ANKRD10: variants seen among roughly 807,000 people sequenced by gnomAD.
ANKRD10 encodes the protein ankyrin repeat domain 10, also known as ankyrin repeat domain-containing protein 10.
In ANKRD10, 14 loss-of-function variants were observed where a neutral mutation model predicts 27.0. The observed-to-expected ratio is 0.52, with a 90% CI of 0.34 to 0.81. The LOEUF (loss-of-function observed/expected upper bound fraction) is 0.81. ANKRD10 is among the 40% of genes least tolerant of loss of function. The pLI is 0.01. For synonymous variants in ANKRD10, 250 were observed against 224.5 expected (o/e 1.11, Z -1.01); for missense variants, 493 against 544.0 (o/e 0.91, Z 0.93).
intron 4 of ANKRD10, among the ~76,000 whole-genome samples, chr13:110,887,030 G>C (rs2064949056): frequency 6.6e-6 from 1 of 152,114 alleles, no homozygotes; most frequent in Non-Finnish European, 1.5e-5. Context: ...TCCCTGCTCA[G>C]AGATACAGCC....
chr13:110,893,919 A>T (rs762838980), intron 3 of ANKRD10, among the ~76,000 whole-genome samples: 1 of 152,206 alleles, frequency 6.6e-6, no homozygotes, highest in Non-Finnish European at 1.5e-5. Context: ...TGGTTCCTTT[A>T]AAAAGGCTTT....
At chr13:110,894,464 C>G (rs2065176074) in intron 3 of ANKRD10, 1 of 229,868 alleles carries the variant, frequency 4.4e-6, no homozygotes, top group African/African-American at 2.7e-5. Context: ...GAATTAGGGA[C>G]AAATAATATT....
intron 3 of ANKRD10, among the ~76,000 whole-genome samples, chr13:110,900,897 G>A (rs2065363973): frequency 6.6e-6 from 1 of 152,184 alleles, no homozygotes; most frequent in African/African-American, 2.4e-5. Context: ...CCTTGACCAT[G>A]AGCTACTGCT....
intron 4 of ANKRD10, among the ~76,000 whole-genome samples, chr13:110,888,007 T>C (rs1437573894): frequency 6.6e-6 from 1 of 152,232 alleles, no homozygotes; most frequent in African/African-American, 2.4e-5. Flanking sequence ...TACTCAACTT[T>C]TTAAGGTCCT....
chr13:110,899,522 G>A (rs538185645), intron 3 of ANKRD10, among the ~76,000 whole-genome samples: 7 of 152,182 alleles, frequency 4.6e-5, no homozygotes, highest in Middle Eastern at 3.4e-3. Flanking sequence ...CTCAGACAAC[G>A]GTCAACTTGA....
rs2064766252 is a variant in ANKRD10 at position 110,879,298 on chromosome 13, C to T, written c.*339G>A. 2 of 242,274 alleles carry T rather than the reference C, an allele frequency of 8.3e-6. No individual in the cohort carries two copies. The highest frequency in any genetic ancestry group is 1.6e-5 in the Non-Finnish European group (2 of 123,032). 15.0% of individuals were successfully genotyped at this position (242,274 alleles called of 1,614,324 possible). ...AAATTACCAGGCACCTGATTTACCA[C>T]CCCAATTTATCTTGATCATATAATC... On this transcript the variant is annotated 3_prime_UTR_variant, in exon 6 of 6. Coordinates refer to ENST00000267339, the MANE Select transcript of ANKRD10 (RefSeq NM_017664.4).
chr13:110,890,650 T>C (rs2065050467), intron 4 of ANKRD10, among the ~76,000 whole-genome samples: 1 of 152,226 alleles, frequency 6.6e-6, no homozygotes, highest in African/African-American at 2.4e-5. Flanking sequence ...GAAACATCAG[T>C]CATGTACTGT....
intron 2 of ANKRD10, 51 bp from the exon 3 acceptor site, chr13:110,906,175 C>T (rs2065526793): frequency 7.0e-7 from 1 of 1,424,944 alleles, no homozygotes; most frequent in Non-Finnish European, 9.6e-7. Context: ...AAACTTCTGA[C>T]ATTTTGGAAG....
At chr13:110,884,528 T>A (rs934538525) in intron 4 of ANKRD10, among the ~76,000 whole-genome samples, 11 of 152,226 alleles carry the variant, frequency 7.2e-5, no homozygotes, top group Non-Finnish European at 1.0e-4. Context: ...AGAATGTTTT[T>A]ACCAAAAAGG....
At chr13:110,893,417 GTAAC>G (rs1293527714) in intron 3 of ANKRD10, among the ~76,000 whole-genome samples, 154 bp from the exon 4 acceptor site, 2 of 152,322 alleles carry the variant, frequency 1.3e-5, no homozygotes, top group South Asian at 2.1e-4. Flanking sequence ...ATCTAGCTCT[GTAAC>G]TAACTTCTCT....
At chr13:110,881,451 T>C (rs1458170401) in intron 5 of ANKRD10, among the ~76,000 whole-genome samples, 1 of 117,120 alleles carries the variant, frequency 8.5e-6, no homozygotes, top group Non-Finnish European at 1.7e-5. Flanking sequence ...TATCTAAATA[T>C]TCCATTAATC....
At chr13:110,899,321 A>G (rs890650602) in intron 3 of ANKRD10, 1 of 152,246 alleles carries the variant, frequency 6.6e-6, no homozygotes, top group African/African-American at 2.4e-5. Flanking sequence ...GAAATCTTCA[A>G]AACAGACGCA....
chr13:110,882,610 G>A (rs2064840847), intron 5 of ANKRD10, among the ~76,000 whole-genome samples: 1 of 152,198 alleles, frequency 6.6e-6, no homozygotes, highest in Non-Finnish European at 1.5e-5. Context: ...TTTAAAAAAA[G>A]CAGGATTTGA....
rs1284778874 is a variant in ANKRD10 at position 110,914,526 on chromosome 13, C to G, written c.210+199G>C. ...CACCGACCTCGCTTCCGCCCCGCGC[C>G]CCCCGGCTGCCCCGCCGCGACTCCG... On this transcript the variant is annotated intron_variant, in intron 1 of 5. Coordinates refer to ENST00000267339, the MANE Select transcript of ANKRD10 (RefSeq NM_017664.4). 9.3e-6 allele frequency: 6 copies of G among 647,920 alleles called. No homozygotes were observed. In the East Asian group the frequency reaches 1.1e-4, roughly 12 times the overall value. The allele number at this position is 647,920 out of a possible 1,614,324, so 40.1% of individuals were successfully genotyped here. A position where few individuals can be genotyped will look rare whatever the true frequency, so the allele number is the denominator to read the frequency against.
In ANKRD10 at chr13:110,879,971, CTAATTCCGT is replaced by C. The variant is rs944616229; in HGVS notation, c.920_928del (p.Asn307_Ile309del). ...CGGCTGTCCTGGGGCTAATCCACTG[CTAATTCCGT>C]TAGTTCCTGTCAAGCACTGGCCATT... On this transcript the variant is annotated inframe_deletion, in exon 6 of 6. Transcript: ENST00000267339. 7 of 1,614,114 alleles carry C rather than the reference CTAATTCCGT, an allele frequency of 4.3e-6. No homozygotes were observed. Among genetic ancestry groups the C allele is most frequent in the Non-Finnish European group, 5.9e-6 (7 of 1,180,052 alleles).
intron 2 of ANKRD10, among the ~76,000 whole-genome samples, chr13:110,909,300 A>G (rs145577098): frequency 6.6e-6 from 1 of 152,342 alleles, no homozygotes; most frequent in African/African-American, 2.4e-5. Flanking sequence ...ATTGAGCCAC[A>G]AAGTTAATGA....
chr13:110,880,633 A>T (rs2064797935), intron 5 of ANKRD10, among the ~76,000 whole-genome samples: 1 of 146,320 alleles, frequency 6.8e-6, no homozygotes, highest in Non-Finnish European at 1.5e-5. Context: ...TGAGGTTTTT[A>T]AAAAATCTTC....
At chr13:110,901,396 AT>A (rs2065376367) in intron 3 of ANKRD10, among the ~76,000 whole-genome samples, 2 of 152,244 alleles carry the variant, frequency 1.3e-5, no homozygotes, top group South Asian at 4.1e-4. Context: ...GTTTTCAAAC[AT>A]TAAAATGTAA....
At chr13:110,889,134 T>C (rs1246482196) in intron 4 of ANKRD10, among the ~76,000 whole-genome samples, 2 of 152,180 alleles carry the variant, frequency 1.3e-5, no homozygotes, top group Admixed American at 1.3e-4. Context: ...GGAGTACATA[T>C]AAAAATAATT....
Sources: gnomAD v4.1 joint callset for allele counts (sites outside exome capture counted in the v4.1 genomes callset) on GRCh38, gnomAD v4.1.1 for gene constraint, MANE v1.5 for transcripts, NCBI Gene and HGNC (gene_info 2026-07-23, HGNC 2026-07-21) for gene names.